The following MAPKAP1 variants were observed in gnomAD, a reference collection of about 807,000 sequenced individuals.
MAPKAP1 encodes target of rapamycin complex 2 subunit MAPKAP1.
MAPKAP1 carries 20 observed loss-of-function variants against 65.7 expected under a neutral mutation model. The ratio of observed to expected loss-of-function variants is 0.30; its 90% CI spans 0.21 to 0.44. The LOEUF (loss-of-function observed/expected upper bound fraction) is 0.44, where lower values mean the gene tolerates loss of function less well. Among genes scored for constraint, MAPKAP1 ranks in the 20% least tolerant of loss-of-function variants. MAPKAP1 has a pLI of 1.00. For missense variants in MAPKAP1, 423 were observed against 648.0 expected, an observed-to-expected ratio of 0.65 and a Z score of 3.77; for synonymous variants, 222 against 244.3, an observed-to-expected ratio of 0.91 and a Z score of 0.85.
chr9:125,543,729 A>G (rs1333170988), intron 6 of MAPKAP1, among the ~76,000 whole-genome samples: 1 of 152,182 alleles, frequency 6.6e-6, no homozygotes, highest in Non-Finnish European at 1.5e-5. Context: ...CGCTTAGGGA[A>G]GGTTCTTCTA....
intron 6 of MAPKAP1, 156 bp downstream of exon 6, chr9:125,559,477 A>C (rs1393626266): frequency 1.3e-5 from 8 of 634,450 alleles, no homozygotes; most frequent in African/African-American, 1.1e-4. Context: ...TACAATGCGA[A>C]TGTCGTCCTC....
At chr9:125,478,732 T>C (rs1266196790) in intron 9 of MAPKAP1, among the ~76,000 whole-genome samples, 1 of 152,134 alleles carries the variant, frequency 6.6e-6, no homozygotes, top group Admixed American at 6.5e-5. Context: ...GCTGGAAGTC[T>C]CCGTATATCT....
At chr9:125,682,091 T>A (rs1469368329) in intron 1 of MAPKAP1, among the ~76,000 whole-genome samples, 1 of 148,582 alleles carries the variant, frequency 6.7e-6, no homozygotes, top group Non-Finnish European at 1.5e-5. Context: ...GAAAAAAAAA[T>A]GTTTATCTTC....
intron 6 of MAPKAP1, among the ~76,000 whole-genome samples, chr9:125,552,555 T>C (rs1589281334): frequency 6.6e-6 from 1 of 152,332 alleles, no homozygotes; most frequent in East Asian, 1.9e-4. Flanking sequence ...AATGGACACA[T>C]ATTAATTATA....
chr9:125,616,887 A>T lies in MAPKAP1; in HGVS notation c.499-31160T>A, dbSNP rs149702784. ...GAAATCAATTTAGCCAATTTCAACC[A>T]ATCTTTTCTTTTAAAATTAAATAAA... On this transcript the variant is annotated intron_variant, in intron 4 of 11. Transcript: ENST00000265960. 1.0e-3 allele frequency among the ~76,000 whole-genome samples: 158 copies of T among 152,338 alleles called. 1 individual carries two copies. The highest frequency in any genetic ancestry group is 3.4e-3 in the African/African-American group (140 of 41,582).
intron 4 of MAPKAP1, among the ~76,000 whole-genome samples, chr9:125,618,646 CTA>C (rs1172467789): frequency 6.6e-6 from 1 of 152,038 alleles, no homozygotes; most frequent in African/African-American, 2.4e-5. Context: ...CAGAAAAGAC[CTA>C]TAGTCACTCA....
At chr9:125,674,756 T>C (rs989196727) in intron 1 of MAPKAP1, among the ~76,000 whole-genome samples, 1 of 152,234 alleles carries the variant, frequency 6.6e-6, no homozygotes, top group Admixed American at 6.5e-5. Flanking sequence ...TTCACTTTTT[T>C]CCTCTTAATA....
chr9:125,706,589 G>A (rs1407058846), intron 1 of MAPKAP1, among the ~76,000 whole-genome samples: 2 of 152,142 alleles, frequency 1.3e-5, no homozygotes, highest in Middle Eastern at 3.4e-3. Flanking sequence ...ACCTCTTTAA[G>A]GGGGAGGGGG....
At chr9:125,693,687 GTATA>G (rs1302174332) in intron 1 of MAPKAP1, among the ~76,000 whole-genome samples, 2 of 125,990 alleles carry the variant, frequency 1.6e-5, no homozygotes, top group Non-Finnish European at 3.2e-5. Flanking sequence ...ATATATACAC[GTATA>G]TATACACGTA....
intron 4 of MAPKAP1, among the ~76,000 whole-genome samples, chr9:125,588,399 G>A (rs1384988733): frequency 2.6e-5 from 4 of 152,140 alleles, no homozygotes; most frequent in South Asian, 2.1e-4. Flanking sequence ...AGAAGATGAC[G>A]GGGTGGGAAA....
At chr9:125,635,282 C>T (rs958765544) in intron 4 of MAPKAP1, among the ~76,000 whole-genome samples, 3 of 152,218 alleles carry the variant, frequency 2.0e-5, no homozygotes, top group Admixed American at 6.5e-5. Flanking sequence ...GTTTGTGGCA[C>T]AAGCCCCTTT....
At chr9:125,603,972 C>G (rs376183460) in intron 4 of MAPKAP1, among the ~76,000 whole-genome samples, 4 of 147,760 alleles carry the variant, frequency 2.7e-5, no homozygotes, top group African/African-American at 4.9e-5. Flanking sequence ...ATTACAACAA[C>G]AAGAAAGAAA....
intron 6 of MAPKAP1, among the ~76,000 whole-genome samples, chr9:125,555,715 C>T (rs1830717868): frequency 6.6e-6 from 1 of 152,210 alleles, no homozygotes; most frequent in African/African-American, 2.4e-5. Flanking sequence ...TAAGACTGTG[C>T]CTTCCTAGTC....
At chr9:125,682,137 T>C (rs959043529) in intron 1 of MAPKAP1, among the ~76,000 whole-genome samples, 1 of 152,230 alleles carries the variant, frequency 6.6e-6, no homozygotes, top group African/African-American at 2.4e-5. Context: ...CAGGAAAATG[T>C]ACCATGGTTA....
At chr9:125,579,846 C>A (rs1232921933) in intron 5 of MAPKAP1, among the ~76,000 whole-genome samples, 1 of 152,278 alleles carries the variant, frequency 6.6e-6, no homozygotes, top group South Asian at 2.1e-4. Flanking sequence ...ACCAAACAAA[C>A]CTGAGAAATC....
intron 1 of MAPKAP1, among the ~76,000 whole-genome samples, chr9:125,698,294 T>TATAA (rs1554845647): frequency 0.011 from 70 of 6,316 alleles, 1 homozygote; most frequent in Non-Finnish European, 0.017. Context: ...TATAAATATA[T>TATAA]ATATATATAT....
intron 6 of MAPKAP1, among the ~76,000 whole-genome samples, chr9:125,545,262 C>T (rs1363406968): frequency 6.6e-6 from 1 of 152,140 alleles, no homozygotes; most frequent in East Asian, 1.9e-4. Context: ...ATTTAGGGAG[C>T]GATGCAGTAA....
chr9:125,518,057 C>T (rs1330682106), intron 7 of MAPKAP1, among the ~76,000 whole-genome samples: 1 of 152,166 alleles, frequency 6.6e-6, no homozygotes, highest in Non-Finnish European at 1.5e-5. Context: ...GAATGCCTTC[C>T]ACAAGGTGGC....
chr9:125,481,581 C>G (rs1854319527), intron 9 of MAPKAP1, among the ~76,000 whole-genome samples: 1 of 152,000 alleles, frequency 6.6e-6, no homozygotes, highest in African/African-American at 2.4e-5. Flanking sequence ...CACCACCACA[C>G]CTGGCTATTT....
Sources: allele counts gnomAD v4.1 joint callset (sites outside exome capture counted in the v4.1 genomes callset), GRCh38; gene constraint gnomAD v4.1.1; transcripts MANE v1.5; gene names NCBI Gene and HGNC (gene_info 2026-07-23, HGNC 2026-07-21).